The following FGF13 variants were observed in gnomAD, a reference collection of about 807,000 sequenced individuals.
The protein encoded by FGF13 is fibroblast growth factor homologous factor 2.
In FGF13, 2 loss-of-function variants were observed where a neutral mutation model predicts 19.5. The observed-to-expected ratio is 0.10, with a 90% CI of 0.04 to 0.32. The LOEUF is 0.32. FGF13 is among the 10% of genes least tolerant of loss of function. The pLI is 1.00. For synonymous variants in FGF13, 72 were observed against 76.9 expected (o/e 0.94, Z 0.33); for missense variants, 113 against 192.7 (o/e 0.59, Z 2.45).
At chrX:139,042,710 AT>A (rs1310460895) in intron 1 of FGF13, among the ~76,000 whole-genome samples, 3 of 111,436 alleles carry the variant, frequency 2.7e-5, no homozygotes, top group Non-Finnish European at 5.6e-5. Context: ...ATTATGTGTA[AT>A]TTTTTGGACA....
chrX:139,016,612 A>T (rs2124379545), intron 1 of FGF13, among the ~76,000 whole-genome samples: 1 of 112,274 alleles, frequency 8.9e-6, no homozygotes, highest in Admixed American at 9.4e-5. Context: ...TGGACTCGGG[A>T]GGTCTCCCAA....
intron 1 of FGF13, among the ~76,000 whole-genome samples, chrX:138,710,417 AG>A (rs1363061233): frequency 1.8e-5 from 2 of 111,303 alleles, no homozygotes; most frequent in East Asian, 5.7e-4. Context: ...AAAGCAAGAG[AG>A]GGATTCCCCA....
intron 1 of FGF13, among the ~76,000 whole-genome samples, chrX:139,046,244 C>T (rs765561436): frequency 9.0e-6 from 1 of 110,768 alleles, no homozygotes; most frequent in South Asian, 3.9e-4. Flanking sequence ...TCGGAGGTGC[C>T]ACACACTTTT....
Position 138,618,538 on chromosome X carries a change from T to G in FGF13, c.*14312A>C, listed in dbSNP as rs932668462. ...ACTACTAACAACTTCACAGACTCCA[T>G]CAGGAGGCCCACCCACTAGTGGCTT... is the stretch of plus-strand genomic sequence containing the variant. On this transcript the variant is annotated 3_prime_UTR_variant, in exon 5 of 5. Coordinates refer to ENST00000315930, the MANE Select transcript of FGF13 (RefSeq NM_004114.5). 1 of 111,660 alleles carries G rather than the reference T, an allele frequency of 9.0e-6. No individual in the cohort carries two copies. Among genetic ancestry groups the G allele is most frequent in the African/African-American group, 3.3e-5 (1 of 30,642 alleles). The allele number at this position is 111,660 out of a possible 1,213,427, so 9.2% of individuals were successfully genotyped here. A position where few individuals can be genotyped will look rare whatever the true frequency, so the allele number is the denominator to read the frequency against.
intron 1 of FGF13, among the ~76,000 whole-genome samples, chrX:139,129,689 A>G (rs761346523): frequency 9.9e-5 from 11 of 111,411 alleles, no homozygotes; most frequent in African/African-American, 3.6e-4. Flanking sequence ...CCCAAGTGTC[A>G]TGATGGCCCT....
intron 3 of FGF13, among the ~76,000 whole-genome samples, chrX:138,774,139 T>C (rs914664542): frequency 7.2e-5 from 8 of 111,829 alleles, no homozygotes; most frequent in Non-Finnish European, 1.3e-4. Flanking sequence ...TCCTACCCAT[T>C]CTTCACAGGA....
At chrX:139,163,039 T>G (rs749590237) in intron 1 of FGF13, among the ~76,000 whole-genome samples, 1 of 112,237 alleles carries the variant, frequency 8.9e-6, no homozygotes, top group African/African-American at 3.2e-5. Flanking sequence ...ATCCCATTAC[T>G]GGGTATATAC....
intron 3 of FGF13, among the ~76,000 whole-genome samples, chrX:138,684,079 A>G (rs1391997999): frequency 8.9e-6 from 1 of 111,934 alleles, no homozygotes; most frequent in Non-Finnish European, 1.9e-5. Flanking sequence ...AAGAGCACTC[A>G]TTAGATCTAT....
At chrX:138,665,153 C>G (rs1438256950) in intron 3 of FGF13, among the ~76,000 whole-genome samples, 3 of 110,651 alleles carry the variant, frequency 2.7e-5, no homozygotes, top group African/African-American at 9.9e-5. Context: ...CCAGGTCTCA[C>G]TTAAACCTAA....
At chrX:138,705,423 G>GA (rs1408175234) in intron 2 of FGF13, among the ~76,000 whole-genome samples, 1 of 111,381 alleles carries the variant, frequency 9.0e-6, no homozygotes, top group Non-Finnish European at 1.9e-5. Flanking sequence ...AGGAATAGAA[G>GA]AAAAAAACAT....
At chrX:138,697,075 A>T (rs979578208) in intron 3 of FGF13, among the ~76,000 whole-genome samples, 82 of 112,385 alleles carry the variant, frequency 7.3e-4, no homozygotes, top group African/African-American at 2.5e-3. Flanking sequence ...ACCAAGCTAA[A>T]TGCATTAAAT....
intron 3 of FGF13, among the ~76,000 whole-genome samples, chrX:138,644,822 C>G (rs965090943): frequency 8.9e-6 from 1 of 112,175 alleles, no homozygotes; most frequent in South Asian, 3.7e-4. Context: ...GGGCAAGGTG[C>G]AAAGGCCTCA....
intron 1 of FGF13, among the ~76,000 whole-genome samples, chrX:139,090,553 A>G (rs1172071042): frequency 2.7e-5 from 3 of 110,971 alleles, no homozygotes; most frequent in Admixed American, 9.6e-5. Flanking sequence ...TAAGCTTAAT[A>G]CCAATTAGTT....
chrX:139,013,480 TA>T (rs1378365732), intron 1 of FGF13, among the ~76,000 whole-genome samples: 2 of 235 alleles, frequency 8.5e-3, no homozygotes, highest in African/African-American at 0.015. Context: ...AAGAAAATTT[TA>T]TATATATATA....
At chrX:138,821,753 A>G (rs760006687) in intron 3 of FGF13, among the ~76,000 whole-genome samples, 8 of 112,092 alleles carry the variant, frequency 7.1e-5, no homozygotes, top group Middle Eastern at 4.6e-3. Context: ...CTGCTTTAAA[A>G]GAGATTTCTA....
intron 3 of FGF13, among the ~76,000 whole-genome samples, chrX:138,828,569 CAAA>C (rs11351814): frequency 2.1e-5 from 1 of 48,078 alleles, no homozygotes. Context: ...GACTCCGTCT[CAAA>C]AAAAAAAAAA....
At chrX:138,890,897 G>C (rs756838197) in intron 1 of FGF13, among the ~76,000 whole-genome samples, 5 of 112,188 alleles carry the variant, frequency 4.5e-5, no homozygotes, top group Admixed American at 9.4e-5. Flanking sequence ...TGGTATTATT[G>C]CTGTTGTCAT....
intron 1 of FGF13, among the ~76,000 whole-genome samples, chrX:138,999,900 C>T (rs1489970481): frequency 8.9e-6 from 1 of 111,836 alleles, no homozygotes; most frequent in Non-Finnish European, 1.9e-5. Flanking sequence ...AAATTGTAGG[C>T]CAATATCCAC....
chrX:139,173,386 AAT>A (rs1012810253), intron 1 of FGF13, among the ~76,000 whole-genome samples: 130 of 108,386 alleles, frequency 1.2e-3, no homozygotes, highest in African/African-American at 1.2e-3. Flanking sequence ...ATATAAATAT[AAT>A]ATATATATAT....
Sources: allele counts gnomAD v4.1 joint callset (sites outside exome capture counted in the v4.1 genomes callset), GRCh38; gene constraint gnomAD v4.1.1; transcripts MANE v1.5; gene names NCBI Gene and HGNC (gene_info 2026-07-23, HGNC 2026-07-21).